Variants in SGCG observed in about 807,000 individuals in gnomAD.
SGCG encodes sarcoglycan gamma.
In SGCG, 26 loss-of-function variants were observed where a neutral mutation model predicts 29.3. That is an observed-to-expected ratio of 0.89 (90% CI 0.65 to 1.23). The LOEUF (loss-of-function observed/expected upper bound fraction) is 1.23, where lower values mean the gene tolerates loss of function less well. Among genes scored for constraint, SGCG ranks in the 50% most tolerant of loss-of-function variants. SGCG has a pLI of 0.00. For missense variants in SGCG, 353 were observed against 356.0 expected (o/e 0.99, Z 0.07); for synonymous variants, 145 against 129.7 (o/e 1.12, Z -0.80).
At chr13:23,253,181 G>C (rs1226198180) in intron 4 of SGCG, among the ~76,000 whole-genome samples, 1 of 152,106 alleles carries the variant, frequency 6.6e-6, no homozygotes, top group Admixed American at 6.6e-5. Context: ...TAGGAGTTCA[G>C]GGCTTCAGTG....
chr13:23,172,180 C>T, the SGCG span, among the ~76,000 whole-genome samples: 1 of 152,138 alleles, frequency 6.6e-6, no homozygotes, highest in Non-Finnish European at 1.5e-5. Flanking sequence ...TTCCAGGGAG[C>T]CTTTGAGGGA....
chr13:23,203,892 A>T lies in SGCG; in HGVS notation c.195+3A>T, dbSNP rs1173625904. 1.9e-6 allele frequency: 3 copies of T among 1,587,746 alleles called. No homozygotes were observed. Among genetic ancestry groups the T allele is most frequent in the Non-Finnish European group, 2.6e-6 (3 of 1,156,024 alleles). On this transcript the variant is annotated splice_donor_region_variant and intron_variant, in intron 2 of 7. Transcript: ENST00000218867. ...TTAAAGTGATGTGGTTTTCTCCAGT[A>T]AGTATCATTATTTTCTGGTAAGCAT...
chr13:23,317,771 G>A (rs1003508211), intron 6 of SGCG, among the ~76,000 whole-genome samples: 1 of 152,148 alleles, frequency 6.6e-6, no homozygotes, highest in African/African-American at 2.4e-5. Context: ...TGAAGATTAT[G>A]TGTGATCTCA....
chr13:23,242,634 C>A (rs1235151492), intron 3 of SGCG, among the ~76,000 whole-genome samples: 1 of 152,058 alleles, frequency 6.6e-6, no homozygotes, highest in Non-Finnish European at 1.5e-5. Flanking sequence ...TGCTGTCATT[C>A]TCTAAATGGC....
At chr13:23,315,497 C>T (rs953483671) in intron 6 of SGCG, among the ~76,000 whole-genome samples, 6 of 152,132 alleles carry the variant, frequency 3.9e-5, no homozygotes, top group Admixed American at 1.3e-4. Flanking sequence ...TGGGGAGTTC[C>T]CTATGATCAG....
At position 23,304,993 on chromosome 13, in the gene SGCG, G is replaced by A. The variant is rs550708624; in HGVS notation, c.578+9506G>A. 8.2e-4 allele frequency among the ~76,000 whole-genome samples: 7 copies of A among 8,522 alleles called. No individual in the cohort carries two copies. In the Admixed American group the frequency reaches 1.0e-2, roughly 12 times the overall value. 5.6% of individuals were successfully genotyped at this position (8,522 alleles called of 152,430 possible). On this transcript the variant is annotated intron_variant, in intron 6 of 7. Coordinates refer to ENST00000218867, the MANE Select transcript of SGCG (RefSeq NM_000231.3). ...CTTGCACGTGCTCACAGGCGTGCAC[G>A]TGCTCACACACACACACACACAAGA...
intron 6 of SGCG, among the ~76,000 whole-genome samples, chr13:23,310,121 C>G (rs12430827): frequency 0.32 from 35,979 of 113,244 alleles, 6,084 homozygotes; most frequent in Middle Eastern, 0.51. Context: ...GAGTCTTGCT[C>G]TGTTGCCCAG....
At chr13:23,256,657 C>T (rs1196793511) in intron 4 of SGCG, among the ~76,000 whole-genome samples, 2 of 152,140 alleles carry the variant, frequency 1.3e-5, no homozygotes, top group African/African-American at 4.8e-5. Flanking sequence ...CAATAGTTTG[C>T]TCAGAATGAT....
intron 6 of SGCG, among the ~76,000 whole-genome samples, chr13:23,307,150 G>C (rs1270484522): frequency 6.6e-6 from 1 of 152,140 alleles, no homozygotes; most frequent in African/African-American, 2.4e-5. Flanking sequence ...TACTGAAACA[G>C]AGGTATTAAG....
intron 4 of SGCG, among the ~76,000 whole-genome samples, chr13:23,256,307 C>T (rs1281407134): frequency 6.6e-6 from 1 of 151,910 alleles, no homozygotes; most frequent in African/African-American, 2.4e-5. Flanking sequence ...TTTGAAATAC[C>T]AGATAAATAA....
intron 1 of SGCG, among the ~76,000 whole-genome samples, chr13:23,195,945 CA>C (rs1175607821): frequency 2.0e-5 from 3 of 151,416 alleles, no homozygotes; most frequent in African/African-American, 7.3e-5. Flanking sequence ...TGAAAAAATA[CA>C]AAAGAAATTT....
intron 2 of SGCG, among the ~76,000 whole-genome samples, chr13:23,214,756 G>T (rs1050680671): frequency 3.9e-5 from 6 of 152,122 alleles, no homozygotes; most frequent in African/African-American, 1.4e-4. Flanking sequence ...ATGGAACTAT[G>T]ATTAAAAGAA....
intron 4 of SGCG, among the ~76,000 whole-genome samples, chr13:23,264,487 A>G (rs1880566190): frequency 6.6e-6 from 1 of 152,218 alleles, no homozygotes; most frequent in African/African-American, 2.4e-5. Flanking sequence ...CAATATTGCA[A>G]AATGACCATA....
chr13:23,297,225 C>CTT (rs1326637455), intron 6 of SGCG, among the ~76,000 whole-genome samples: 56 of 120,268 alleles, frequency 4.7e-4, no homozygotes, highest in African/African-American at 1.5e-3. Flanking sequence ...CACAGACAAT[C>CTT]TTTTATTTTT....
intron 6 of SGCG, among the ~76,000 whole-genome samples, chr13:23,304,779 TTTTGTTTGTTTG>T (rs544180005): frequency 1.3e-5 from 2 of 152,028 alleles, no homozygotes; most frequent in Non-Finnish European, 2.9e-5. Flanking sequence ...AATTTTTGTA[TTTTGTTTGTTTG>T]TTTGTTTGTT....
intron 6 of SGCG, among the ~76,000 whole-genome samples, chr13:23,312,572 A>AT (rs1421249302): frequency 1.3e-5 from 2 of 152,310 alleles, no homozygotes; most frequent in Non-Finnish European, 2.9e-5. Flanking sequence ...GTACACATGG[A>AT]CGTAGTGTGT....
chr13:23,181,625 T>C (rs1243610265), intron 1 of SGCG, among the ~76,000 whole-genome samples: 1 of 152,208 alleles, frequency 6.6e-6, no homozygotes, highest in Non-Finnish European at 1.5e-5. Flanking sequence ...GGGAAGAATG[T>C]TTCTTTCCCT....
chr13:23,292,075 A>C (rs554669741), intron 5 of SGCG, among the ~76,000 whole-genome samples: 25 of 151,798 alleles, frequency 1.6e-4, no homozygotes, highest in Admixed American at 3.3e-4. Flanking sequence ...AAGCTTCTCT[A>C]GTGCCAATGA....
intron 1 of SGCG, among the ~76,000 whole-genome samples, chr13:23,192,864 A>T (rs1877332346): frequency 6.6e-6 from 1 of 152,236 alleles, no homozygotes; most frequent in South Asian, 2.1e-4. Context: ...ACAAATACGT[A>T]TAACTGAGCT....
Sources: allele counts gnomAD v4.1 joint callset (sites outside exome capture counted in the v4.1 genomes callset), GRCh38; gene constraint gnomAD v4.1.1; transcripts MANE v1.5; gene names NCBI Gene and HGNC (gene_info 2026-07-23, HGNC 2026-07-21).